Variants in MNAT1 observed in about 807,000 individuals in gnomAD.
MNAT1 encodes CDK-activating kinase assembly factor MAT1.
Under a neutral mutation model 42.0 loss-of-function variants are expected in MNAT1, and 43 were observed. The observed-to-expected ratio is 1.02, with a 90% CI of 0.80 to 1.32. The LOEUF is 1.32. Ranked by LOEUF, MNAT1 falls within the 40% of genes most tolerant of loss-of-function variation. The pLI is 0.00. For missense variants in MNAT1, 306 were observed against 350.4 expected, an observed-to-expected ratio of 0.87 and a Z score of 1.01; for synonymous variants, 118 against 120.0, an observed-to-expected ratio of 0.98 and a Z score of 0.11.
chr14:60,896,092 G>A (rs1373621114), intron 7 of MNAT1, among the ~76,000 whole-genome samples: 1 of 152,162 alleles, frequency 6.6e-6, no homozygotes, highest in Non-Finnish European at 1.5e-5. Context: ...TCACAATGAA[G>A]TTAGTTAAAC....
At chr14:60,947,069 C>T (rs1286609933) in intron 7 of MNAT1, among the ~76,000 whole-genome samples, 1 of 152,116 alleles carries the variant, frequency 6.6e-6, no homozygotes, top group Admixed American at 6.5e-5. Context: ...ACCTGAATGC[C>T]TCACAAAGAC....
intron 6 of MNAT1, among the ~76,000 whole-genome samples, chr14:60,838,207 C>T (rs974860541): frequency 8.6e-5 from 13 of 151,982 alleles, no homozygotes; most frequent in Admixed American, 7.2e-4. Context: ...GCGATCACTG[C>T]TCAATGCAGG....
At chr14:60,751,264 C>A (rs1050455407) in intron 1 of MNAT1, among the ~76,000 whole-genome samples, 27 of 152,086 alleles carry the variant, frequency 1.8e-4, no homozygotes, top group African/African-American at 6.5e-4. Context: ...TGACTAAATA[C>A]ATTTTTTTTT....
chr14:60,842,310 C>T (rs1346536862), intron 6 of MNAT1, among the ~76,000 whole-genome samples: 1 of 152,172 alleles, frequency 6.6e-6, no homozygotes, highest in African/African-American at 2.4e-5. Context: ...ATTTTCCTCT[C>T]TGGTAATCTG....
intron 7 of MNAT1, among the ~76,000 whole-genome samples, chr14:60,932,339 A>C (rs2035907202): frequency 6.6e-6 from 1 of 152,052 alleles, no homozygotes; most frequent in African/African-American, 2.4e-5. Flanking sequence ...ATAGGTGTTC[A>C]TTGTTGGTTC....
At chr14:60,896,412 C>T (rs2034957663) in intron 7 of MNAT1, among the ~76,000 whole-genome samples, 1 of 152,108 alleles carries the variant, frequency 6.6e-6, no homozygotes, top group South Asian at 2.1e-4. Flanking sequence ...GAGTTATTCC[C>T]TTAATTGATA....
chr14:60,903,882 T>TC (rs1309136444), intron 7 of MNAT1, among the ~76,000 whole-genome samples: 13 of 150,398 alleles, frequency 8.6e-5, no homozygotes, highest in Admixed American at 5.3e-4. Flanking sequence ...TTTTTTTTTT[T>TC]TTTTCTTTTT....
At chr14:60,869,028 A>T (rs1421487409) in intron 6 of MNAT1, among the ~76,000 whole-genome samples, 1 of 85,990 alleles carries the variant, frequency 1.2e-5, no homozygotes, top group Non-Finnish European at 2.7e-5. Flanking sequence ...TTATACATAT[A>T]TATATATATA....
intron 6 of MNAT1, among the ~76,000 whole-genome samples, chr14:60,825,399 G>C (rs2033025413): frequency 6.6e-6 from 1 of 152,146 alleles, no homozygotes; most frequent in Non-Finnish European, 1.5e-5. Context: ...TATTTTTATA[G>C]TCTTTAGAAA....
chr14:60,939,101 C>T (rs1159749037), intron 7 of MNAT1, among the ~76,000 whole-genome samples: 1 of 151,918 alleles, frequency 6.6e-6, no homozygotes, highest in East Asian at 1.9e-4. Flanking sequence ...TTTTTTATTG[C>T]ATCTATTTGA....
chr14:60,865,201 G>T (rs540085817), intron 6 of MNAT1, among the ~76,000 whole-genome samples: 1 of 152,008 alleles, frequency 6.6e-6, no homozygotes, highest in South Asian at 2.1e-4. Flanking sequence ...AAATATTTCT[G>T]CTTTAGAAGA....
intron 7 of MNAT1, among the ~76,000 whole-genome samples, chr14:60,928,760 T>G (rs1188647485): frequency 6.6e-6 from 1 of 152,010 alleles, no homozygotes; most frequent in Non-Finnish European, 1.5e-5. Flanking sequence ...AAATTAATAG[T>G]TAAAAAAAGA....
At chr14:60,820,969 A>T (rs758305397) in intron 6 of MNAT1, among the ~76,000 whole-genome samples, 2 of 152,198 alleles carry the variant, frequency 1.3e-5, no homozygotes, top group Non-Finnish European at 2.9e-5. Flanking sequence ...ACAGGCAGAG[A>T]AAAGAGCAGT....
At chr14:60,793,736 G>A (rs1278881978) in intron 1 of MNAT1, among the ~76,000 whole-genome samples, 1 of 151,880 alleles carries the variant, frequency 6.6e-6, no homozygotes, top group Non-Finnish European at 1.5e-5. Flanking sequence ...AAAAGATGTG[G>A]CCACACAAAC....
chr14:60,849,262 T>G (rs2139414196), intron 6 of MNAT1, among the ~76,000 whole-genome samples: 1 of 152,288 alleles, frequency 6.6e-6, no homozygotes, highest in Middle Eastern at 3.4e-3. Flanking sequence ...TGCTGTAATT[T>G]TTTCATTTCT....
At chr14:60,819,573 T>C (rs2032817897) in intron 6 of MNAT1, among the ~76,000 whole-genome samples, 1 of 152,138 alleles carries the variant, frequency 6.6e-6, no homozygotes, top group Non-Finnish European at 1.5e-5. Flanking sequence ...AGGTGATGGA[T>C]ATCTCAATTA....
chr14:60,792,283 T>A (rs944308530), intron 1 of MNAT1, among the ~76,000 whole-genome samples: 1 of 152,158 alleles, frequency 6.6e-6, no homozygotes, highest in African/African-American at 2.4e-5. Context: ...TTTTGGCAAA[T>A]GATTTAGTTG....
intron 7 of MNAT1, among the ~76,000 whole-genome samples, chr14:60,965,112 C>CT (rs2036659059): frequency 1.3e-5 from 2 of 152,162 alleles, no homozygotes; most frequent in South Asian, 4.1e-4. Context: ...ACGACTCATA[C>CT]TCACAGACAT....
intron 3 of MNAT1, among the ~76,000 whole-genome samples, chr14:60,807,403 C>G (rs980663197): frequency 6.6e-6 from 1 of 151,916 alleles, no homozygotes; most frequent in Non-Finnish European, 1.5e-5. Context: ...GTTTGTAGGG[C>G]AAGAAGCAGG....
Sources: gnomAD v4.1 joint callset for allele counts (sites outside exome capture counted in the v4.1 genomes callset) on GRCh38, gnomAD v4.1.1 for gene constraint, MANE v1.5 for transcripts, NCBI Gene and HGNC (gene_info 2026-07-23, HGNC 2026-07-21) for gene names.